SLC7A10: variants seen among roughly 807,000 people sequenced by gnomAD.
SLC7A10 encodes solute carrier family 7 member 10, also known as asc-type amino acid transporter 1.
SLC7A10 carries 30 observed loss-of-function variants against 52.7 expected under a neutral mutation model. The observed-to-expected ratio is 0.57, with a 90% CI of 0.43 to 0.77. SLC7A10 has a LOEUF of 0.77. Among genes scored for constraint, SLC7A10 ranks in the 30% least tolerant of loss-of-function variants. The pLI is 0.00. For missense variants in SLC7A10, 581 were observed against 698.5 expected (o/e 0.83, Z 1.90); for synonymous variants, 318 against 314.9 (o/e 1.01, Z -0.10).
In SLC7A10 at chr19:33,225,844, C is replaced by G. The variant is rs924741308; in HGVS notation, c.-141G>C. On this transcript the variant is annotated 5_prime_UTR_variant, in exon 1 of 11. Coordinates refer to ENST00000253188, the MANE Select transcript of SLC7A10 (RefSeq NM_019849.3). Reference sequence around the variant, plus strand: ...CGGGCGCATGCGCTGGCTCCGGGCCCGGGACTGGGGGCCCCGGGCGGCGGG... The same window carrying G: ...CGGGCGCATGCGCTGGCTCCGGGCCGGGGACTGGGGGCCCCGGGCGGCGGG... The G allele has an allele frequency of 1.6e-5, 16 of 1,027,160 alleles. No individual in the cohort carries two copies. The highest frequency in any genetic ancestry group is 3.9e-5 in the East Asian group (1 of 25,870). 63.6% of individuals were successfully genotyped at this position (1,027,160 alleles called of 1,614,324 possible). A position where few individuals can be genotyped will look rare whatever the true frequency, so the allele number is the denominator to read the frequency against.
intron 2 of SLC7A10, among the ~76,000 whole-genome samples, chr19:33,213,224 A>G (rs565836677): frequency 1.9e-4 from 29 of 152,162 alleles, no homozygotes; most frequent in Non-Finnish European, 3.8e-4. Flanking sequence ...GTACTTAAAC[A>G]TTGACAAGGC....
rs926234273 is a variant in SLC7A10, at chr19:33,215,553, A to G, written c.356+216T>C. Among the ~76,000 whole-genome samples the G allele has an allele frequency of 4.4e-5, 6 of 135,388 alleles. No individual in the cohort carries two copies. In the South Asian group the frequency reaches 1.6e-3, roughly 37 times the overall value. 88.8% of individuals were successfully genotyped at this position (135,388 alleles called of 152,430 possible). ...GTGGGGTGGAGTGGGCCTCAGTTCC[A>G]CCTGCCCTGTCCTCAGAAGGCTGTC... On this transcript the variant is annotated intron_variant, in intron 2 of 10. Transcript: ENST00000253188.
chr19:33,212,132 C>T (rs576392888), intron 5 of SLC7A10, 160 bp downstream of exon 5: 2 of 1,009,294 alleles, frequency 2.0e-6, no homozygotes, highest in Admixed American at 4.3e-5. Context: ...AGAATGCAAG[C>T]CCCCCGGCTT....
At chr19:33,209,141 C>T in intron 10 of SLC7A10, 120 bp from the exon 11 acceptor site, 1 of 1,553,838 alleles carries the variant, frequency 6.4e-7, no homozygotes. Flanking sequence ...ACCCGTGGTT[C>T]TGGAAACTTT....
intron 5 of SLC7A10, 25 bp downstream of exon 5, chr19:33,212,267 G>A: frequency 6.3e-7 from 1 of 1,583,028 alleles, no homozygotes. Context: ...CTGCTTCCCA[G>A]GGCCCAGTTG....
chr19:33,212,373 A>C lies in SLC7A10; in HGVS notation c.707T>G (p.Leu236Arg), dbSNP rs991918589. 1 of 1,613,768 alleles carries C rather than the reference A, an allele frequency of 6.2e-7. No homozygotes were observed. Among genetic ancestry groups the C allele is most frequent in the Non-Finnish European group, 8.5e-7 (1 of 1,180,042 alleles). The change falls in exon 5 of 11, where the codon CTG becomes CGG. Residue 236 changes from leucine (L) to arginine (R), a missense_variant. Coordinates refer to ENST00000253188, the MANE Select transcript of SLC7A10 (RefSeq NM_019849.3). The stretch of plus-strand genomic sequence containing the variant: ...GGCGAAGGAGCCCTGGAGGAAGGCC[A>C]GGGCCAGGTGTCCCACGGAGGGCGT... Reference protein sequence around the residue: ...WMTPSVGHLALAFLQGSFAFS... With the variant: ...WMTPSVGHLARAFLQGSFAFS...
intron 3 of SLC7A10, 74 bp from the exon 4 acceptor site, chr19:33,212,713 G>T: frequency 6.2e-7 from 1 of 1,611,608 alleles, no homozygotes; most frequent in East Asian, 2.2e-5. Flanking sequence ...TCCAGCCCAG[G>T]CGGCCCGAGA....
At chr19:33,221,456 G>A (rs1159813502) in intron 1 of SLC7A10, among the ~76,000 whole-genome samples, 1 of 152,140 alleles carries the variant, frequency 6.6e-6, no homozygotes, top group Non-Finnish European at 1.5e-5. Flanking sequence ...TTATAGTTGG[G>A]GCTTCCCTTG....
At chr19:33,213,103 G>C in intron 2 of SLC7A10, 101 bp from the exon 3 acceptor site, 3 of 1,487,796 alleles carry the variant, frequency 2.0e-6, no homozygotes, top group African/African-American at 1.4e-5. Flanking sequence ...CCTGGCGCCC[G>C]GGGGCTGGCG....
chr19:33,211,243 T>A lies in SLC7A10; in HGVS notation c.998A>T (p.Tyr333Phe), dbSNP rs1315247024. Residue 333 changes from tyrosine to phenylalanine, a missense_variant, in exon 7 of 11, where the codon TAC (tyrosine) becomes TTC (phenylalanine). Tyr to Phe is a conservative substitution (Grantham distance 22). Transcript: ENST00000253188. ...CAGTCACCTGGAGTAGGTGAACAGG[T>A]AACCATTGATCCCTCCGAAGGTTGA... is the stretch of plus-strand genomic sequence containing the variant. ...ALSTFGGING[Y>F]LFTYSRLCFS... is the part of the protein sequence containing the mutation. 1 of 1,613,790 alleles carries A rather than the reference T, an allele frequency of 6.2e-7. No individual in the cohort carries two copies. The highest frequency in any genetic ancestry group is 1.1e-5 in the South Asian group (1 of 91,074).
chr19:33,211,018 G>T, intron 7 of SLC7A10, 120 bp from the exon 8 acceptor site: 1 of 1,049,766 alleles, frequency 9.5e-7, no homozygotes, highest in Non-Finnish European at 1.5e-6. Flanking sequence ...CCACTGGACA[G>T]TTCTCCCCCT....
chr19:33,215,109 T>A (rs1194927904), intron 2 of SLC7A10, among the ~76,000 whole-genome samples: 2 of 151,476 alleles, frequency 1.3e-5, no homozygotes, highest in Non-Finnish European at 2.9e-5. Context: ...CTACTAAAAA[T>A]ACAAAAAAAT....
At chr19:33,218,184 G>T (rs980761868) in intron 1 of SLC7A10, among the ~76,000 whole-genome samples, 3 of 152,114 alleles carry the variant, frequency 2.0e-5, no homozygotes, top group Non-Finnish European at 4.4e-5. Context: ...CCATGCTTCT[G>T]CTTGGTGGGG....
rs984696691 is a variant in SLC7A10, at chr19:33,215,757, C to A, written c.356+12G>T. On this transcript the variant is annotated intron_variant, in intron 2 of 10. Coordinates refer to ENST00000253188, the MANE Select transcript of SLC7A10 (RefSeq NM_019849.3). ...GAGGGTGTCCCCCTGCCCGCTGGTG[C>A]CCCACACTCACCCAGCCAGGCCCCC... The A allele has an allele frequency of 6.4e-7, 1 of 1,552,024 alleles. No individual in the cohort carries two copies.
At chr19:33,223,900 G>C (rs1362186190) in intron 1 of SLC7A10, among the ~76,000 whole-genome samples, 1 of 151,642 alleles carries the variant, frequency 6.6e-6, no homozygotes, top group Non-Finnish European at 1.5e-5. Context: ...GAGGGTGATA[G>C]TGGAGTTGGC....
Position 33,215,911 on chromosome 19 carries a change from C to A in SLC7A10, c.214G>T (p.Val72Leu). The A allele has an allele frequency of 1.2e-6, 2 of 1,610,834 alleles. No homozygotes were observed. Among genetic ancestry groups the A allele is most frequent in the Non-Finnish European group, 1.7e-6 (2 of 1,178,786 alleles). Residue 72 changes from valine to leucine, a missense_variant, in exon 2 of 11, where the codon GTG (valine) becomes TTG (leucine). Transcript: ENST00000253188. ...ACCCAGACGAACAGGGCCAGACCCA[C>A]GGAGCCTGAGTGCTCCAGGACCCCC... ...PKGVLEHSGS[V>L]GLALFVWVLG...
intron 1 of SLC7A10, among the ~76,000 whole-genome samples, chr19:33,216,937 C>T (rs1158142723): frequency 5.3e-5 from 8 of 152,014 alleles, no homozygotes; most frequent in Admixed American, 6.5e-5. Flanking sequence ...TGCAGTGGTG[C>T]GATCATAGCT....
rs1974460322 is a variant in SLC7A10, at chr19:33,208,667, C to T, written c.*224G>A. 3 of 609,606 alleles carry T rather than the reference C, an allele frequency of 4.9e-6. No homozygotes were observed. Among genetic ancestry groups the T allele is most frequent in the Admixed American group, 2.9e-5 (1 of 34,248 alleles). The allele number at this position is 609,606 out of a possible 1,614,324, so 37.8% of individuals were successfully genotyped here. A position where few individuals can be genotyped will look rare whatever the true frequency, so the allele number is the denominator to read the frequency against. ...AGGGACTCCCCATAGCACGAGCGAA[C>T]AGCCAGCCCTGTTTATTTATAGGCC... On this transcript the variant is annotated 3_prime_UTR_variant, in exon 11 of 11. Transcript: ENST00000253188. The surrounding 1 kb of genome is among the most constrained non-coding windows in gnomAD (Gnocchi z 4.7).
Position 33,212,872 on chromosome 19 carries a change from C to T in SLC7A10, c.487G>A (p.Val163Met), listed in dbSNP as rs1452758428. Reference sequence around the variant, plus strand: ...TTACTCAGGCAGGCCATGGACAGCACCCGGGAGGCTGTGGTGGGGGGGATG... The same window carrying T: ...TTACTCAGGCAGGCCATGGACAGCATCCGGGAGGCTGTGGTGGGGGGGATG... The part of the protein sequence containing the change: ...NCIPPTTASR[V>M]LSMACLMLLT... Residue 163 changes from valine to methionine, a missense_variant, in exon 3 of 11, where the codon GTG becomes ATG. By Grantham distance (21) the Val-to-Met change is conservative. Transcript: ENST00000253188. The T allele has an allele frequency of 1.9e-6, 3 of 1,613,934 alleles. No individual in the cohort carries two copies. The highest frequency in any genetic ancestry group is 1.7e-6 in the Non-Finnish European group (2 of 1,179,984).
Sources: allele counts gnomAD v4.1 joint callset (sites outside exome capture counted in the v4.1 genomes callset), GRCh38; gene constraint gnomAD v4.1.1; non-coding constraint Gnocchi (gnomAD v3.1); transcripts MANE v1.5; gene names NCBI Gene and HGNC (gene_info 2026-07-23, HGNC 2026-07-21).